NUGGC: variants seen among roughly 807,000 people sequenced by gnomAD.
NUGGC encodes the protein nuclear GTPase, germinal center associated, also known as nuclear GTPase SLIP-GC.
NUGGC carries 58 observed loss-of-function variants against 92.6 expected under a neutral mutation model. The observed-to-expected ratio is 0.63, with a 90% CI of 0.51 to 0.78. NUGGC has a LOEUF of 0.78. NUGGC is among the 30% of genes least tolerant of loss of function. The pLI is 0.00. For synonymous variants in NUGGC, 376 were observed against 366.4 expected (o/e 1.03, Z -0.30); for missense variants, 925 against 964.6 (o/e 0.96, Z 0.54).
chr8:28,027,701 A>G (rs1376911717), intron 17 of NUGGC, among the ~76,000 whole-genome samples: 1 of 152,200 alleles, frequency 6.6e-6, no homozygotes, highest in Non-Finnish European at 1.5e-5. Context: ...TTCTAGATCA[A>G]GAGCCCTAAG....
At chr8:28,070,571 C>T (rs1810563727) in intron 2 of NUGGC, among the ~76,000 whole-genome samples, 1 of 151,006 alleles carries the variant, frequency 6.6e-6, no homozygotes, top group Admixed American at 6.6e-5. Context: ...GGCAACACAG[C>T]AAGACCCTTG....
chr8:28,028,256 C>T (rs958834012), intron 17 of NUGGC, among the ~76,000 whole-genome samples: 3 of 152,134 alleles, frequency 2.0e-5, no homozygotes, highest in Non-Finnish European at 4.4e-5. Flanking sequence ...TTATGGAGTT[C>T]GGCCAGTTTC....
At chr8:28,034,793 G>C (rs1809514050) in intron 13 of NUGGC, among the ~76,000 whole-genome samples, 1 of 151,876 alleles carries the variant, frequency 6.6e-6, no homozygotes, top group Admixed American at 6.6e-5. Context: ...CTCCAGCCTG[G>C]GCAACAAGAG....
intron 10 of NUGGC, among the ~76,000 whole-genome samples, chr8:28,053,892 T>A (rs929243652): frequency 6.6e-6 from 1 of 152,208 alleles, no homozygotes; most frequent in Non-Finnish European, 1.5e-5. Context: ...CCTGATAGAA[T>A]ATTTTGGCTT....
intron 3 of NUGGC, among the ~76,000 whole-genome samples, chr8:28,069,888 G>A (rs1288658108): frequency 2.0e-5 from 3 of 152,246 alleles, no homozygotes; most frequent in Non-Finnish European, 2.9e-5. Context: ...GGTAACAGAA[G>A]TTATGGTATG....
chr8:28,043,519 A>G (rs1391511524), intron 12 of NUGGC, among the ~76,000 whole-genome samples: 1 of 152,240 alleles, frequency 6.6e-6, no homozygotes, highest in Non-Finnish European at 1.5e-5. Flanking sequence ...CCTAAGGCCA[A>G]GGAATTTTGA....
chr8:28,075,274 C>T (rs145979405), intron 1 of NUGGC, among the ~76,000 whole-genome samples: 5 of 152,250 alleles, frequency 3.3e-5, no homozygotes, highest in African/African-American at 7.2e-5. Flanking sequence ...GGAGGACACC[C>T]CTCCTGGGCT....
At chr8:28,035,775 C>A (rs1307083854) in intron 13 of NUGGC, among the ~76,000 whole-genome samples, 1 of 152,224 alleles carries the variant, frequency 6.6e-6, no homozygotes, top group Non-Finnish European at 1.5e-5. Flanking sequence ...CTGCCTAGCA[C>A]AGTCACCAAT....
chr8:28,069,549 A>G lies in NUGGC; in HGVS notation c.252T>C (p.Tyr84=), dbSNP rs375943530. 6 of 1,539,294 alleles carry G rather than the reference A, an allele frequency of 3.9e-6. No homozygotes were observed. The highest frequency in any genetic ancestry group is 5.4e-6 in the Non-Finnish European group (6 of 1,113,060). The change falls in exon 4 of 19, where the codon TAT becomes TAC. Residue 84 remains tyrosine, a synonymous_variant. Transcript: ENST00000413272. ...GTTGCAGATTTCAGACTCACATGAG[A>G]TACTTGACTCCATTAGGGATGCTGT... ...LDDSIPNGVK[Y]LINRLLALIE...
At chr8:28,080,318 C>T (rs1044749196) in intron 1 of NUGGC, among the ~76,000 whole-genome samples, 1 of 152,176 alleles carries the variant, frequency 6.6e-6, no homozygotes, top group Non-Finnish European at 1.5e-5. Flanking sequence ...CAGAGGAATA[C>T]ATTTTCACTG....
intron 2 of NUGGC, among the ~76,000 whole-genome samples, chr8:28,070,592 A>C (rs905438425): frequency 6.6e-6 from 1 of 151,326 alleles, no homozygotes; most frequent in African/African-American, 2.4e-5. Flanking sequence ...TCTCAAAAAA[A>C]AATTTTTTTT....
intron 14 of NUGGC, among the ~76,000 whole-genome samples, chr8:28,032,521 T>C (rs1221936301): frequency 6.6e-6 from 1 of 151,400 alleles, no homozygotes; most frequent in South Asian, 2.1e-4. Flanking sequence ...ATCAAGACCA[T>C]CCTGGCTAAC....
chr8:28,063,225 G>C (rs557732754), intron 7 of NUGGC, among the ~76,000 whole-genome samples: 1 of 152,314 alleles, frequency 6.6e-6, no homozygotes, highest in Admixed American at 6.5e-5. Flanking sequence ...AGAATGCAGG[G>C]GAGCTGGGCC....
In NUGGC at chr8:28,052,166, A is replaced by G. The variant is rs1486495382; in HGVS notation, c.1206+3799T>C. On this transcript the variant is annotated intron_variant, in intron 10 of 18. Transcript: ENST00000413272. ...AACTACATTGTGATCCCCAATCTTCAACCACTTAACTTCAGCTGATATGTG... is the reference window on the plus strand; with the variant it reads ...AACTACATTGTGATCCCCAATCTTCGACCACTTAACTTCAGCTGATATGTG... 2.0e-5 allele frequency among the ~76,000 whole-genome samples: 3 copies of G among 152,178 alleles called. No individual in the cohort carries two copies. In the East Asian group the frequency reaches 5.8e-4, roughly 29 times the overall value.
At chr8:28,079,012 A>G (rs1810786179) in intron 1 of NUGGC, among the ~76,000 whole-genome samples, 1 of 152,210 alleles carries the variant, frequency 6.6e-6, no homozygotes, top group Admixed American at 6.5e-5. Context: ...TGTGCACTGA[A>G]CCTAAGAATA....
At chr8:28,060,348 C>G in intron 8 of NUGGC, 78 bp downstream of exon 8, 1 of 1,376,646 alleles carries the variant, frequency 7.3e-7, no homozygotes, top group Non-Finnish European at 1.0e-6. Context: ...CAAAGTCAAG[C>G]TCCATGCTAC....
intron 13 of NUGGC, among the ~76,000 whole-genome samples, chr8:28,036,170 A>G (rs1263686961): frequency 6.6e-6 from 1 of 152,214 alleles, no homozygotes; most frequent in Non-Finnish European, 1.5e-5. Flanking sequence ...CACTGCACTC[A>G]GCCTTAACAA....
intron 10 of NUGGC, among the ~76,000 whole-genome samples, chr8:28,054,000 G>A (rs1192392274): frequency 6.6e-6 from 1 of 152,164 alleles, no homozygotes; most frequent in African/African-American, 2.4e-5. Context: ...TATTATTGAA[G>A]GCAAAATACA....
intron 9 of NUGGC, among the ~76,000 whole-genome samples, chr8:28,057,265 T>G (rs971088012): frequency 6.6e-6 from 1 of 152,170 alleles, no homozygotes; most frequent in African/African-American, 2.4e-5. Context: ...TGAAGTAAAC[T>G]TATGCTATTG....
Sources: allele counts gnomAD v4.1 joint callset (sites outside exome capture counted in the v4.1 genomes callset), GRCh38; gene constraint gnomAD v4.1.1; transcripts MANE v1.5; gene names NCBI Gene and HGNC (gene_info 2026-07-23, HGNC 2026-07-21).